Variants in HYDIN observed in about 807,000 individuals in gnomAD.
HYDIN encodes HYDIN axonemal central pair apparatus protein, also known as axonemal central pair apparatus protein HYDIN.
A neutral mutation model predicts 403.9 loss-of-function variants in HYDIN; 132 were observed. That is an observed-to-expected ratio of 0.33 (90% CI 0.28 to 0.38). The LOEUF (loss-of-function observed/expected upper bound fraction) is 0.38, where lower values mean the gene tolerates loss of function less well. HYDIN is among the 10% of genes least tolerant of loss of function. The probability of loss-of-function intolerance (pLI) is 1.00; values close to 1 mark genes in which losing one functional copy is unlikely to be tolerated. For missense variants in HYDIN, 2,827 were observed against 5,009.5 expected, an observed-to-expected ratio of 0.56 and a Z score of 13.15; for synonymous variants, 1,202 against 1,891.7, an observed-to-expected ratio of 0.64 and a Z score of 9.46.
Position 70,974,156 on chromosome 16 carries a change from C to G in HYDIN, c.5037+17G>C. ...TGGAAACCTGCAGGTCCGGGTGGGC[C>G]CAGCGGTGCCTTGTACCTTGATGGG... On this transcript the variant is annotated intron_variant, in intron 33 of 85. Coordinates refer to ENST00000393567, the MANE Select transcript of HYDIN (RefSeq NM_001270974.2). 6.6e-7 allele frequency: 1 copy of G among 1,509,110 alleles called. No homozygotes were observed. The highest frequency in any genetic ancestry group is 2.5e-5 in the East Asian group (1 of 40,660). 93.5% of individuals were successfully genotyped at this position (1,509,110 alleles called of 1,614,324 possible).
chr16:70,881,923 A>T (rs2040832051), intron 60 of HYDIN, among the ~76,000 whole-genome samples: 1 of 152,246 alleles, frequency 6.6e-6, no homozygotes, highest in Non-Finnish European at 1.5e-5. Context: ...AGGGTGACAG[A>T]AACCCACTGA....
rs896899233 is a variant in HYDIN at position 71,227,841 on chromosome 16, C to T, written c.-24+2721G>A. On this transcript the variant is annotated intron_variant, in intron 1 of 85. Transcript: ENST00000393567. Reference sequence around the variant, plus strand: ...AGTTCATATGGAACCAAAAAAGAGCCTGCATTGCCAAGACAATCCTAAGCC... The same window carrying T: ...AGTTCATATGGAACCAAAAAAGAGCTTGCATTGCCAAGACAATCCTAAGCC... Among the ~76,000 whole-genome samples the T allele has an allele frequency of 4.6e-5, 7 of 152,308 alleles. No individual in the cohort carries two copies. In the East Asian group the frequency reaches 1.3e-3, roughly 29 times the overall value.
intron 3 of HYDIN, 106 bp downstream of exon 3, chr16:71,184,759 C>A: frequency 3.2e-6 from 3 of 929,376 alleles, no homozygotes; most frequent in South Asian, 2.3e-5. Context: ...GAAAACAAAC[C>A]CAATAAAGGA....
At chr16:70,936,911 C>T (rs1262392657) in intron 44 of HYDIN, among the ~76,000 whole-genome samples, 2 of 151,654 alleles carry the variant, frequency 1.3e-5, no homozygotes, top group Non-Finnish European at 2.9e-5. Flanking sequence ...TGTTCCCCTC[C>T]TCCACCCTCT....
At chr16:71,030,635 T>C (rs2080873104) in intron 19 of HYDIN, among the ~76,000 whole-genome samples, 1 of 152,160 alleles carries the variant, frequency 6.6e-6, no homozygotes, top group Non-Finnish European at 1.5e-5. Flanking sequence ...TTTACCATGT[T>C]GTCCAGGCTG....
chr16:71,221,121 G>C (rs886634745), intron 1 of HYDIN, among the ~76,000 whole-genome samples: 2 of 151,998 alleles, frequency 1.3e-5, no homozygotes, highest in African/African-American at 4.8e-5. Context: ...ATCAAAGGTG[G>C]GGAGACTGAT....
rs184036502 is a variant in HYDIN at position 70,875,594 on chromosome 16, C to T, written c.10558-675G>A. ...ATGGAGAAGGCAGAAATAGTGATAT[C>T]ACACGGGAAGCTTCTGAGATAAAAA... On this transcript the variant is annotated intron_variant, in intron 62 of 85. Transcript: ENST00000393567. Among the ~76,000 whole-genome samples, 766 of 152,234 alleles carry T rather than the reference C, an allele frequency of 5.0e-3. 21 individuals carry two copies. The highest frequency in any genetic ancestry group is 1.3e-3 in the Non-Finnish European group (86 of 68,006).
At chr16:71,119,850 A>C (rs1171998708) in intron 9 of HYDIN, among the ~76,000 whole-genome samples, 3 of 150,544 alleles carry the variant, frequency 2.0e-5, no homozygotes, top group Non-Finnish European at 3.0e-5. Context: ...TCAACTTTAG[A>C]CCCCACTTCC....
chr16:71,129,480 C>T (rs948104772), intron 9 of HYDIN, among the ~76,000 whole-genome samples, 160 bp downstream of exon 9: 1 of 152,172 alleles, frequency 6.6e-6, no homozygotes, highest in Admixed American at 6.5e-5. Flanking sequence ...CTTACCATTA[C>T]CTTCTATATA....
chr16:71,064,791 G>A lies in HYDIN; in HGVS notation c.2125C>T (p.His709Tyr), dbSNP rs769599237. Residue 709 changes from histidine to tyrosine, a missense_variant, in exon 16 of 86, where the codon CAC becomes TAC. His to Tyr is a moderately conservative substitution (Grantham distance 83, BLOSUM62 2). Transcript: ENST00000393567. ...HLVNTEVDFGHCFLKYPYEKT... is the reference protein window; with the variant it reads ...HLVNTEVDFGYCFLKYPYEKT... The stretch of plus-strand genomic sequence containing the variant: ...TCATACGGGTACTTCAGGAAGCAGT[G>A]CCCAAAGTCCACCTCTGTATTGACC... 6 of 1,613,476 alleles carry A rather than the reference G, an allele frequency of 3.7e-6. No individual in the cohort carries two copies. The highest frequency in any genetic ancestry group is 8.5e-7 in the Non-Finnish European group (1 of 1,179,830).
intron 1 of HYDIN, among the ~76,000 whole-genome samples, chr16:71,189,889 T>C (rs2087343718): frequency 6.6e-6 from 1 of 152,114 alleles, no homozygotes. Context: ...TTGGTCATGA[T>C]ATTAGTAATA....
At chr16:71,135,392 A>AT (rs1597856679) in intron 8 of HYDIN, among the ~76,000 whole-genome samples, 1 of 146,848 alleles carries the variant, frequency 6.8e-6, no homozygotes, top group Non-Finnish European at 1.5e-5. Flanking sequence ...ATTGGTTTAA[A>AT]TTTTTTTAGA....
intron 14 of HYDIN, among the ~76,000 whole-genome samples, chr16:71,067,682 G>A (rs192495541): frequency 7.2e-5 from 11 of 152,216 alleles, no homozygotes; most frequent in African/African-American, 2.2e-4. Context: ...GAGCATGAAC[G>A]ATGAGCAACA....
chr16:71,108,174 G>A (rs1049003583), intron 10 of HYDIN, among the ~76,000 whole-genome samples: 4 of 152,142 alleles, frequency 2.6e-5, no homozygotes, highest in Admixed American at 6.5e-5. Context: ...AGTGGAGGGC[G>A]GAGGGTGAGA....
intron 42 of HYDIN, among the ~76,000 whole-genome samples, chr16:70,942,474 G>A (rs978562901): frequency 6.6e-6 from 1 of 152,196 alleles, no homozygotes; most frequent in African/African-American, 2.4e-5. Context: ...AGAGTCACAG[G>A]CAGCAGGGGG....
At position 70,824,109 on chromosome 16, in the gene HYDIN, A is replaced by G. The variant is rs375304233; in HGVS notation, c.14427+3152T>C. Among the ~76,000 whole-genome samples the G allele has an allele frequency of 9.3e-3, 1,405 of 151,640 alleles. 13 individuals carry two copies. The highest frequency in any genetic ancestry group is 0.088 in the Middle Eastern group (26 of 294). On this transcript the variant is annotated intron_variant, in intron 83 of 85. Transcript: ENST00000393567. ...TATAAAATGGAGTATTATAATCATT[A>G]TAACCAGAAGCAGAAATGCTTTTTA...
chr16:71,141,305 A>T (rs1375683309), intron 7 of HYDIN, among the ~76,000 whole-genome samples: 2 of 151,404 alleles, frequency 1.3e-5, no homozygotes, highest in Non-Finnish European at 3.0e-5. Flanking sequence ...CATATCTCAT[A>T]TCTTATATCA....
chr16:71,171,798 C>G (rs2086474088), intron 5 of HYDIN, among the ~76,000 whole-genome samples: 1 of 152,190 alleles, frequency 6.6e-6, no homozygotes, highest in Non-Finnish European at 1.5e-5. Context: ...TTTACATGCT[C>G]TTCTCATCTG....
chr16:71,158,060 C>T (rs1418719108), intron 6 of HYDIN, among the ~76,000 whole-genome samples: 2 of 151,770 alleles, frequency 1.3e-5, no homozygotes, highest in Admixed American at 1.3e-4. Flanking sequence ...ACTGGTCAAA[C>T]CTAGCTGGAA....
Sources: allele counts gnomAD v4.1 joint callset (sites outside exome capture counted in the v4.1 genomes callset), GRCh38; gene constraint gnomAD v4.1.1; transcripts MANE v1.5; gene names NCBI Gene and HGNC (gene_info 2026-07-23, HGNC 2026-07-21).